Variants in ROBO2 observed in about 807,000 individuals in gnomAD.
ROBO2 encodes the protein roundabout homolog 2.
ROBO2 carries 53 observed loss-of-function variants against 160.8 expected under a neutral mutation model. The ratio of observed to expected loss-of-function variants is 0.33; its 90% CI spans 0.26 to 0.41. The LOEUF is 0.41. Ranked by LOEUF, ROBO2 falls within the 10% of genes least tolerant of loss-of-function variation. The probability of loss-of-function intolerance (pLI) is 1.00; values close to 1 mark genes in which losing one functional copy is unlikely to be tolerated. For synonymous variants in ROBO2, 664 were observed against 611.7 expected (o/e 1.09, Z -1.26); for missense variants, 1,577 against 1,722.4 (o/e 0.92, Z 1.49).
At chr3:75,971,935 T>G (rs901872121) in intron 2 of ROBO2, among the ~76,000 whole-genome samples, 9 of 151,666 alleles carry the variant, frequency 5.9e-5, no homozygotes, top group African/African-American at 2.2e-4. Flanking sequence ...CTGAAATAAG[T>G]ATTTGTTATT....
intron 2 of ROBO2, among the ~76,000 whole-genome samples, chr3:77,333,037 G>T (rs576025184): frequency 3.3e-5 from 5 of 152,250 alleles, no homozygotes; most frequent in Admixed American, 3.3e-4. Context: ...ACTAAATTTT[G>T]TATCCTGGGT....
intron 2 of ROBO2, among the ~76,000 whole-genome samples, chr3:75,957,132 G>A: frequency 6.6e-6 from 1 of 151,622 alleles, no homozygotes; most frequent in African/African-American, 2.4e-5. Flanking sequence ...CTTACAAACT[G>A]CCTTAAAATA....
chr3:77,512,127 G>A (rs544364732), intron 5 of ROBO2, among the ~76,000 whole-genome samples: 1 of 152,046 alleles, frequency 6.6e-6, no homozygotes, highest in South Asian at 2.1e-4. Context: ...ATGGCTTATT[G>A]TGTTCGTTTT....
intron 2 of ROBO2, among the ~76,000 whole-genome samples, chr3:76,803,181 G>A (rs1468237748): frequency 2.0e-5 from 3 of 152,050 alleles, no homozygotes; most frequent in African/African-American, 7.2e-5. Context: ...GAGACACCAT[G>A]GTAAAAATGG....
chr3:76,112,681 A>T (rs1199927404), intron 2 of ROBO2, among the ~76,000 whole-genome samples: 1 of 149,222 alleles, frequency 6.7e-6, no homozygotes, highest in South Asian at 2.1e-4. Flanking sequence ...GAAAAATTCA[A>T]ATCAGATTAT....
At chr3:77,574,868 TTCTGAGAATTCTATAGAA>T in intron 14 of ROBO2, 138 bp downstream of exon 15, 5 of 689,068 alleles carry the variant, frequency 7.3e-6, no homozygotes, top group Non-Finnish European at 1.3e-5. Flanking sequence ...TCTCCTTTTA[TTCTGAGAATTCTATAGAA>T]TCTGACAAGC....
At chr3:76,887,136 A>AT (rs2148790982) in intron 2 of ROBO2, among the ~76,000 whole-genome samples, 1 of 118,064 alleles carries the variant, frequency 8.5e-6, no homozygotes, top group African/African-American at 3.2e-5. Flanking sequence ...TATTTATTTT[A>AT]TTTTGTTATT....
At chr3:77,517,585 A>G (rs898467730) in intron 5 of ROBO2, among the ~76,000 whole-genome samples, 4 of 151,588 alleles carry the variant, frequency 2.6e-5, no homozygotes, top group African/African-American at 9.7e-5. Context: ...AAACCCTTAC[A>G]TAAAATAACT....
exon 2 of ROBO2, chr3:77,098,233 G>A (rs765218623): frequency 6.2e-7 from 1 of 1,614,196 alleles, no homozygotes. Context: ...TTCTTCTTGC[G>A]CATCGTGCAC....
intron 2 of ROBO2, among the ~76,000 whole-genome samples, chr3:76,889,599 T>G (rs1378999552): frequency 6.6e-6 from 1 of 152,172 alleles, no homozygotes; most frequent in Admixed American, 6.5e-5. Context: ...GTAACAAATG[T>G]TTATCGAATA....
chr3:77,551,476 A>G (rs1054227855), intron 8 of ROBO2, among the ~76,000 whole-genome samples: 1 of 152,074 alleles, frequency 6.6e-6, no homozygotes, highest in Non-Finnish European at 1.5e-5. Context: ...AGTGCTGAAC[A>G]ATGCTAAAAT....
At chr3:75,943,602 A>G (rs972591393) in intron 2 of ROBO2, among the ~76,000 whole-genome samples, 10 of 152,336 alleles carry the variant, frequency 6.6e-5, no homozygotes, top group Non-Finnish European at 1.3e-4. Context: ...ATATGTAAAG[A>G]GGAATAGAAA....
chr3:77,034,531 GT>G (rs2063514316), intron 2 of ROBO2, among the ~76,000 whole-genome samples: 1 of 151,912 alleles, frequency 6.6e-6, no homozygotes, highest in Non-Finnish European at 1.5e-5. Flanking sequence ...ACCATAGACA[GT>G]TCAATTAGAT....
At chr3:77,503,253 C>T (rs2087894749) in intron 5 of ROBO2, among the ~76,000 whole-genome samples, 1 of 151,140 alleles carries the variant, frequency 6.6e-6, no homozygotes, top group Non-Finnish European at 1.5e-5. Flanking sequence ...TGGCCAGGCG[C>T]GGTGGCTCAC....
At chr3:76,448,943 A>G (rs1000001121) in intron 2 of ROBO2, among the ~76,000 whole-genome samples, 1 of 152,092 alleles carries the variant, frequency 6.6e-6, no homozygotes, top group Non-Finnish European at 1.5e-5. Context: ...AAGAAACAGC[A>G]GCTTTGAGAC....
At chr3:77,425,208 AAAAGACT>A (rs368256331) in intron 2 of ROBO2, among the ~76,000 whole-genome samples, 30 of 152,128 alleles carry the variant, frequency 2.0e-4, no homozygotes, top group Middle Eastern at 3.4e-3. Flanking sequence ...AAAAAAAAAA[AAAAGACT>A]TGAATGGTCT....
At chr3:77,400,289 A>G (rs920220723) in intron 2 of ROBO2, among the ~76,000 whole-genome samples, 14 of 152,280 alleles carry the variant, frequency 9.2e-5, no homozygotes, top group African/African-American at 3.4e-4. Flanking sequence ...AATCAGACAA[A>G]CAGAGCTATT....
At chr3:77,157,179 T>G (rs2078091767) in intron 2 of ROBO2, among the ~76,000 whole-genome samples, 1 of 152,104 alleles carries the variant, frequency 6.6e-6, no homozygotes. Flanking sequence ...CCTATCTTTC[T>G]TATTATTCTC....
At chr3:77,402,272 A>G (rs1022309932) in intron 2 of ROBO2, among the ~76,000 whole-genome samples, 1 of 151,776 alleles carries the variant, frequency 6.6e-6, no homozygotes, top group Admixed American at 6.6e-5. Context: ...AACATCACAC[A>G]CCGGGGCCTG....
Sources: gnomAD v4.1 joint callset for allele counts (sites outside exome capture counted in the v4.1 genomes callset) on GRCh38, gnomAD v4.1.1 for gene constraint, MANE v1.5 for transcripts, NCBI Gene and HGNC (gene_info 2026-07-23, HGNC 2026-07-21) for gene names.